SLC22A23: variants seen among roughly 807,000 people sequenced by gnomAD.
SLC22A23 encodes ion transporter protein.
Under a neutral mutation model 61.0 loss-of-function variants are expected in SLC22A23, and 26 were observed. The observed-to-expected ratio is 0.43, with a 90% CI of 0.31 to 0.59. SLC22A23 has a LOEUF of 0.59. Ranked by LOEUF, SLC22A23 falls within the 20% of genes least tolerant of loss-of-function variation. The pLI is 0.11. For missense variants in SLC22A23, 796 were observed against 934.7 expected (o/e 0.85, Z 1.94); for synonymous variants, 430 against 413.9 (o/e 1.04, Z -0.47).
intron 3 of SLC22A23, among the ~76,000 whole-genome samples, chr6:3,347,199 C>T (rs1764490299): frequency 6.6e-6 from 1 of 152,238 alleles, no homozygotes; most frequent in Admixed American, 6.5e-5. Flanking sequence ...GACTTAACCC[C>T]TCGCATCACT....
intron 5 of SLC22A23, among the ~76,000 whole-genome samples, chr6:3,294,006 G>A (rs1469564199): frequency 6.6e-6 from 1 of 152,178 alleles, no homozygotes; most frequent in Middle Eastern, 3.2e-3. Flanking sequence ...GACGGAGGAT[G>A]CCTGCACCCT....
At chr6:3,418,647 G>A (rs930251666) in intron 1 of SLC22A23, among the ~76,000 whole-genome samples, 3 of 152,216 alleles carry the variant, frequency 2.0e-5, no homozygotes, top group Non-Finnish European at 4.4e-5. Flanking sequence ...CCCTGGGGAG[G>A]GGGTGCAGGA....
intron 6 of SLC22A23, among the ~76,000 whole-genome samples, chr6:3,287,791 C>T (rs1428632235): frequency 2.0e-5 from 3 of 151,536 alleles, no homozygotes; most frequent in African/African-American, 7.3e-5. Context: ...TCAAGTGATT[C>T]TCCTGCTTCA....
At chr6:3,293,170 T>C (rs1217343077) in intron 5 of SLC22A23, among the ~76,000 whole-genome samples, 1 of 152,098 alleles carries the variant, frequency 6.6e-6, no homozygotes, top group Admixed American at 6.5e-5. Context: ...ACGATGCTAG[T>C]GCGTTAGGGG....
chr6:3,323,364 T>C (rs1417707841), intron 4 of SLC22A23: 1 of 457,018 alleles, frequency 2.2e-6, no homozygotes, highest in Non-Finnish European at 4.4e-6. Context: ...AAACTTTATT[T>C]ACAAAAACAG....
chr6:3,427,210 A>G lies in SLC22A23; in HGVS notation c.655-11355T>C, dbSNP rs1581870708. Among the ~76,000 whole-genome samples, 1 of 152,204 alleles carries G rather than the reference A, an allele frequency of 6.6e-6. No homozygotes were observed. The highest frequency in any genetic ancestry group is 6.5e-5 in the Admixed American group (1 of 15,288). On this transcript the variant is annotated intron_variant, in intron 1 of 9. Coordinates refer to ENST00000406686, the MANE Select transcript of SLC22A23 (RefSeq NM_015482.2). This position sits in a 1 kb window ranked among gnomAD's most constrained non-coding sequence, Gnocchi z 4.3. ...AAAACCTTCACCAGAGGGTTGTTACAAGAGTCAAAAATAACATCGGGAATG... is the reference window on the plus strand; with the variant it reads ...AAAACCTTCACCAGAGGGTTGTTACGAGAGTCAAAAATAACATCGGGAATG...
intron 3 of SLC22A23, among the ~76,000 whole-genome samples, chr6:3,385,526 A>G (rs1252340482): frequency 2.0e-5 from 3 of 152,210 alleles, no homozygotes; most frequent in African/African-American, 7.2e-5. Context: ...AAAAAACAAA[A>G]AAAAAGGTTA....
In SLC22A23 at chr6:3,387,142, G is replaced by A. The variant is rs561290583; in HGVS notation, c.913+23046C>T. ...CTTCATAGCTGTGAGTCCCTTTGCT[G>A]AAGAAATAAAGTGACTCACTCCTAA... On this transcript the variant is annotated intron_variant, in intron 3 of 9. Transcript: ENST00000406686. This position sits in a 1 kb window ranked among gnomAD's most constrained non-coding sequence, Gnocchi z 5.0. Among the ~76,000 whole-genome samples, 1 of 152,342 alleles carries A rather than the reference G, an allele frequency of 6.6e-6. No individual in the cohort carries two copies. The highest frequency in any genetic ancestry group is 6.5e-5 in the Admixed American group (1 of 15,306).
In SLC22A23 at chr6:3,324,974, A is replaced by G. The variant is rs755793868; in HGVS notation, c.914-972T>C. The stretch of plus-strand genomic sequence containing the variant: ...GAAAGCCCTTTATAGTAGAAAAAGC[A>G]GCTGGGTTTTATATATATTATTTTC... On this transcript the variant is annotated intron_variant, in intron 3 of 9. Coordinates refer to ENST00000406686, the MANE Select transcript of SLC22A23 (RefSeq NM_015482.2). This position sits in a 1 kb window ranked among gnomAD's most constrained non-coding sequence, Gnocchi z 4.3. Among the ~76,000 whole-genome samples, 1 of 152,240 alleles carries G rather than the reference A, an allele frequency of 6.6e-6. No individual in the cohort carries two copies. The highest frequency in any genetic ancestry group is 1.5e-5 in the Non-Finnish European group (1 of 68,042).
intron 3 of SLC22A23, among the ~76,000 whole-genome samples, chr6:3,349,626 C>A (rs1023315810): frequency 2.0e-5 from 3 of 152,214 alleles, no homozygotes. Flanking sequence ...ATGCATGGCC[C>A]TTCTTCCCAC....
In SLC22A23 at chr6:3,387,395, C is replaced by A. The variant is rs185408766; in HGVS notation, c.913+22793G>T. On this transcript the variant is annotated intron_variant, in intron 3 of 9. Transcript: ENST00000406686. This position sits in a 1 kb window ranked among gnomAD's most constrained non-coding sequence, Gnocchi z 5.0. Reference sequence around the variant, plus strand: ...CATTCTGCAAAATACCAACCCGTTACACCACTGTCCTCATCACAGTGTTAA... The same window carrying A: ...CATTCTGCAAAATACCAACCCGTTAAACCACTGTCCTCATCACAGTGTTAA... Among the ~76,000 whole-genome samples, 5 of 152,324 alleles carry A rather than the reference C, an allele frequency of 3.3e-5. No homozygotes were observed. In the East Asian group the frequency reaches 7.7e-4, roughly 23 times the overall value.
chr6:3,277,374 T>C (rs780989459), intron 9 of SLC22A23, among the ~76,000 whole-genome samples: 154 of 151,320 alleles, frequency 1.0e-3, no homozygotes, highest in Non-Finnish European at 1.6e-3. Flanking sequence ...CCCTCACCCT[T>C]CCAGGAACCT....
In SLC22A23 at chr6:3,327,017, G is replaced by A. The variant is rs931143411; in HGVS notation, c.914-3015C>T. Among the ~76,000 whole-genome samples the A allele has an allele frequency of 2.0e-5, 3 of 151,312 alleles. No individual in the cohort carries two copies. Among genetic ancestry groups the A allele is most frequent in the Non-Finnish European group, 4.4e-5 (3 of 67,802 alleles). ...GATCGTTTCTGCTGGGAGGGACGGG[G>A]ACTGCAGGTGGATCGTTTCTGCTGG... On this transcript the variant is annotated intron_variant, in intron 3 of 9. Transcript: ENST00000406686. This position sits in a 1 kb window ranked among gnomAD's most constrained non-coding sequence, Gnocchi z 4.1.
At chr6:3,409,536 A>C (rs1769066342) in intron 3 of SLC22A23, among the ~76,000 whole-genome samples, 1 of 152,238 alleles carries the variant, frequency 6.6e-6, no homozygotes, top group South Asian at 2.1e-4. Context: ...AAAAAGTATA[A>C]AGCCAGTAAA....
At chr6:3,283,813 G>A (rs747158048) in intron 9 of SLC22A23, 39 bp downstream of exon 9, 22 of 1,611,230 alleles carry the variant, frequency 1.4e-5, no homozygotes, top group East Asian at 6.7e-5. Flanking sequence ...TTTGATTTCC[G>A]AGAAGCCGGC....
chr6:3,425,498 A>G (rs960046870), intron 1 of SLC22A23, among the ~76,000 whole-genome samples: 19 of 151,992 alleles, frequency 1.3e-4, no homozygotes, highest in Non-Finnish European at 2.9e-5. Context: ...GTTAGCCAGG[A>G]TGGTCTCAAT....
intron 4 of SLC22A23, among the ~76,000 whole-genome samples, chr6:3,320,889 C>A (rs1762909822): frequency 6.6e-6 from 1 of 152,164 alleles, no homozygotes; most frequent in South Asian, 2.1e-4. Flanking sequence ...ATGTACTAAG[C>A]ACCTTAATAG....
intron 1 of SLC22A23, among the ~76,000 whole-genome samples, chr6:3,425,285 C>CTTTTTTT (rs33955202): frequency 5.2e-5 from 6 of 115,834 alleles, no homozygotes; most frequent in Admixed American, 1.0e-4. Context: ...ATGAATAATT[C>CTTTTTTT]TTTTTTTTTT....
At chr6:3,379,012 G>A (rs1766784779) in intron 3 of SLC22A23, among the ~76,000 whole-genome samples, 2 of 152,154 alleles carry the variant, frequency 1.3e-5, no homozygotes, top group East Asian at 3.9e-4. Flanking sequence ...TGGGCTCTAA[G>A]TTGCAGGTCA....
Sources: gnomAD v4.1 joint callset for allele counts (sites outside exome capture counted in the v4.1 genomes callset) on GRCh38, gnomAD v4.1.1 for gene constraint, Gnocchi (gnomAD v3.1) non-coding constraint, MANE v1.5 for transcripts, NCBI Gene and HGNC (gene_info 2026-07-23, HGNC 2026-07-21) for gene names.